The following SLC12A8 variants were observed in gnomAD, a reference collection of about 807,000 sequenced individuals.
SLC12A8 encodes the protein solute carrier family 12 member 8.
In SLC12A8, 69 loss-of-function variants were observed where a neutral mutation model predicts 75.6. That is an observed-to-expected ratio of 0.91 (90% CI 0.75 to 1.11). The LOEUF is 1.11. Among genes scored for constraint, SLC12A8 ranks in the 50% most tolerant of loss-of-function variants. SLC12A8 has a pLI of 0.00. For synonymous variants in SLC12A8, 365 were observed against 372.8 expected, an observed-to-expected ratio of 0.98 and a Z score of 0.24; for missense variants, 877 against 896.7, an observed-to-expected ratio of 0.98 and a Z score of 0.28.
intron 10 of SLC12A8, among the ~76,000 whole-genome samples, chr3:125,106,973 C>T (rs1939043018): frequency 6.6e-6 from 1 of 152,202 alleles, no homozygotes; most frequent in Non-Finnish European, 1.5e-5. Context: ...ATTTCTCATG[C>T]TCTATAAGCC....
intron 2 of SLC12A8, among the ~76,000 whole-genome samples, chr3:125,194,450 G>T (rs542411590): frequency 6.0e-4 from 89 of 149,246 alleles, no homozygotes; most frequent in Non-Finnish European, 1.1e-3. Flanking sequence ...ATTGGTGGGG[G>T]TAGGGGGTTG....
chr3:125,125,913 G>A (rs2945113), intron 6 of SLC12A8: 4 of 983,374 alleles, frequency 4.1e-6, no homozygotes, highest in East Asian at 1.1e-4. Flanking sequence ...TAATCGGCGC[G>A]ATGCATTGGT....
intron 10 of SLC12A8, among the ~76,000 whole-genome samples, chr3:125,106,926 T>A (rs1483800107): frequency 6.6e-6 from 1 of 152,202 alleles, no homozygotes; most frequent in Admixed American, 6.5e-5. Flanking sequence ...ACCTAGAATA[T>A]GGTAGGTCCT....
At chr3:125,185,583 T>C (rs899454047) in intron 4 of SLC12A8, among the ~76,000 whole-genome samples, 5 of 151,900 alleles carry the variant, frequency 3.3e-5, no homozygotes, top group African/African-American at 9.7e-5. Context: ...CTCCAAAAAA[T>C]AGAGAAGGAG....
chr3:125,112,778 A>G (rs1939219753), intron 8 of SLC12A8, among the ~76,000 whole-genome samples: 1 of 152,262 alleles, frequency 6.6e-6, no homozygotes, highest in South Asian at 2.1e-4. Context: ...TGAAAATTTA[A>G]GTCAATAGTT....
intron 4 of SLC12A8, among the ~76,000 whole-genome samples, chr3:125,187,032 G>A (rs554213924): frequency 6.6e-6 from 1 of 152,368 alleles, no homozygotes; most frequent in East Asian, 1.9e-4. Flanking sequence ...GGGAGTGGCA[G>A]AGGGAAAGGA....
Position 125,135,668 on chromosome 3 carries a change from C to A in SLC12A8, c.736+1G>T, listed in dbSNP as rs992876274. On this transcript the variant is annotated splice_donor_variant, in intron 6 of 13. Transcript: ENST00000469902. LOFTEE classifies it high-confidence loss of function. ...GTAAAAAAGAACCCAGATTACAATA[C>A]CTGTAGCCGCTGGGAAGAAAACCCC... The A allele has an allele frequency of 6.3e-7, 1 of 1,587,358 alleles. No homozygotes were observed. Among genetic ancestry groups the A allele is most frequent in the Non-Finnish European group, 8.6e-7 (1 of 1,165,520 alleles).
At chr3:125,125,645 C>G (rs188928413) in intron 6 of SLC12A8, among the ~76,000 whole-genome samples, 8 of 152,310 alleles carry the variant, frequency 5.3e-5, no homozygotes, top group African/African-American at 1.7e-4. Flanking sequence ...TCTACTCCAA[C>G]CTTTTATTTC....
chr3:125,111,740 T>C lies in SLC12A8; in HGVS notation c.913-1405A>G, dbSNP rs1341657805. On this transcript the variant is annotated intron_variant, in intron 8 of 13. Transcript: ENST00000469902. ...TAGACTTCTTTCCTGGCTCATAAATTATCACTGGAATAATTTGACTGATGG... is the reference window on the plus strand; with the variant it reads ...TAGACTTCTTTCCTGGCTCATAAATCATCACTGGAATAATTTGACTGATGG... Among the ~76,000 whole-genome samples the C allele has an allele frequency of 5.3e-5, 8 of 152,190 alleles. No individual in the cohort carries two copies. The East Asian group carries it at 1.5e-3, about 29-fold the overall frequency.
chr3:125,181,762 CA>C (rs1374064188), intron 4 of SLC12A8, among the ~76,000 whole-genome samples: 1 of 147,404 alleles, frequency 6.8e-6, no homozygotes, highest in African/African-American at 2.5e-5. Context: ...AAGAAAAATA[CA>C]AGAAACAAAA....
At position 125,161,278 on chromosome 3, in the gene SLC12A8, A is replaced by G. The variant is rs114937609; in HGVS notation, c.622+16465T>C. ...TCAAAAATGAGGTCACTGCAATCCT[A>G]TGTGCTAGAACTGGAAAAGCCTGAT... On this transcript the variant is annotated intron_variant, in intron 5 of 13. Coordinates refer to ENST00000469902, the MANE Select transcript of SLC12A8 (RefSeq NM_024628.6). Among the ~76,000 whole-genome samples, 613 of 152,376 alleles carry G rather than the reference A, an allele frequency of 4.0e-3. 7 individuals are homozygous for G. The highest frequency in any genetic ancestry group is 0.014 in the African/African-American group (591 of 41,594).
At chr3:125,191,984 G>A (rs1934917908) in intron 2 of SLC12A8, among the ~76,000 whole-genome samples, 1 of 152,194 alleles carries the variant, frequency 6.6e-6, no homozygotes, top group Non-Finnish European at 1.5e-5. Context: ...TCGGAACAAA[G>A]ACTCTGCCAA....
At chr3:125,149,592 C>A (rs1435344317) in intron 5 of SLC12A8, among the ~76,000 whole-genome samples, 2 of 152,126 alleles carry the variant, frequency 1.3e-5, no homozygotes, top group Non-Finnish European at 2.9e-5. Context: ...CATAATTTTA[C>A]AAACAAGAAC....
chr3:125,188,263 C>G (rs1301640834), intron 3 of SLC12A8, among the ~76,000 whole-genome samples: 1 of 152,204 alleles, frequency 6.6e-6, no homozygotes, highest in Non-Finnish European at 1.5e-5. Flanking sequence ...TCACCTTCCC[C>G]CATGAGTGAA....
intron 2 of SLC12A8, among the ~76,000 whole-genome samples, chr3:125,196,004 C>A (rs1935003329): frequency 6.6e-6 from 1 of 152,170 alleles, no homozygotes; most frequent in Non-Finnish European, 1.5e-5. Context: ...ACAGGCGAAC[C>A]AGTGAAACAT....
Position 125,125,846 on chromosome 3 carries a change from T to C in SLC12A8, c.737-5160A>G, listed in dbSNP as rs1001836635. ...TTGTAGATTTCCCCTTCTGAAATAGTAATTGCATGATTAATGTGGGGTTAC... is the reference window on the plus strand; with the variant it reads ...TTGTAGATTTCCCCTTCTGAAATAGCAATTGCATGATTAATGTGGGGTTAC... On this transcript the variant is annotated intron_variant, in intron 6 of 13. Transcript: ENST00000469902. 6.1e-6 allele frequency: 4 copies of C among 656,516 alleles called. No homozygotes were observed. The African/African-American group carries it at 7.8e-5, about 13-fold the overall frequency. 40.7% of individuals were successfully genotyped at this position (656,516 alleles called of 1,614,324 possible).
At chr3:125,115,292 C>T (rs139294045) in intron 8 of SLC12A8, among the ~76,000 whole-genome samples, 1,934 of 152,142 alleles carry the variant, frequency 0.013, 55 homozygotes, top group South Asian at 0.096. Context: ...GAGACTGAGG[C>T]GGGTGGATCA....
intron 10 of SLC12A8, among the ~76,000 whole-genome samples, chr3:125,098,113 ATTAC>A (rs1938762172): frequency 6.6e-6 from 1 of 152,240 alleles, no homozygotes; most frequent in South Asian, 2.1e-4. Context: ...TTTTATAGAA[ATTAC>A]TTAAATATTA....
At chr3:125,117,485 A>G (rs376944436) in intron 8 of SLC12A8, among the ~76,000 whole-genome samples, 3 of 151,058 alleles carry the variant, frequency 2.0e-5, no homozygotes, top group African/African-American at 7.3e-5. Context: ...AGTCCTGGCT[A>G]CTTGGGAGGC....
Sources: allele counts gnomAD v4.1 joint callset (sites outside exome capture counted in the v4.1 genomes callset), GRCh38; gene constraint gnomAD v4.1.1; transcripts MANE v1.5; gene names NCBI Gene and HGNC (gene_info 2026-07-23, HGNC 2026-07-21).